MCTP2: variants seen among roughly 807,000 people sequenced by gnomAD.
MCTP2 encodes the protein multiple C2 and transmembrane domain-containing protein 2.
Under a neutral mutation model 111.6 loss-of-function variants are expected in MCTP2, and 132 were observed. The ratio of observed to expected loss-of-function variants is 1.18; its 90% CI spans 1.03 to 1.37. MCTP2 has a LOEUF of 1.37. MCTP2 is among the 40% of genes most tolerant of loss of function. The pLI is 0.00. For synonymous variants in MCTP2, 395 were observed against 387.7 expected, an observed-to-expected ratio of 1.02 and a Z score of -0.22; for missense variants, 1,183 against 1,067.9, an observed-to-expected ratio of 1.11 and a Z score of -1.50.
chr15:94,291,556 G>A (rs75741010), intron 1 of MCTP2, among the ~76,000 whole-genome samples: 46,857 of 151,666 alleles, frequency 0.31, 7,546 homozygotes, highest in East Asian at 0.42. Flanking sequence ...AGCTGAGATC[G>A]TGCCACTGCA....
At chr15:94,327,758 T>G (rs1025855510) in intron 4 of MCTP2, among the ~76,000 whole-genome samples, 1 of 152,370 alleles carries the variant, frequency 6.6e-6, no homozygotes, top group Non-Finnish European at 1.5e-5. Context: ...CCTTTGCCAC[T>G]TGGTACATAT....
intron 1 of MCTP2, among the ~76,000 whole-genome samples, chr15:94,241,557 G>T (rs563115742): frequency 1.3e-5 from 2 of 152,208 alleles, no homozygotes; most frequent in South Asian, 4.1e-4. Flanking sequence ...TACTTACAAG[G>T]CATTTGTATT....
chr15:94,316,801 G>T (rs2076397168), intron 4 of MCTP2, among the ~76,000 whole-genome samples: 1 of 151,722 alleles, frequency 6.6e-6, no homozygotes, highest in Non-Finnish European at 1.5e-5. Flanking sequence ...TATTTATTTG[G>T]TTCAGTAGCT....
At chr15:94,389,608 T>G (rs2080750771) in intron 14 of MCTP2, among the ~76,000 whole-genome samples, 1 of 152,146 alleles carries the variant, frequency 6.6e-6, no homozygotes, top group Admixed American at 6.5e-5. Context: ...GTTTTTTTGT[T>G]TTGTTTTGTT....
intron 17 of MCTP2, among the ~76,000 whole-genome samples, chr15:94,414,285 G>A (rs1464674313): frequency 6.6e-6 from 1 of 151,960 alleles, no homozygotes; most frequent in Non-Finnish European, 1.5e-5. Context: ...AATAGAAGAG[G>A]CAGAAAAAGA....
At position 94,470,348 on chromosome 15, in the gene MCTP2, G is replaced by A. The variant is rs144526062; in HGVS notation, c.2376G>A (p.Thr792=). The A allele has an allele frequency of 7.4e-5, 119 of 1,612,684 alleles. No homozygotes were observed. Among genetic ancestry groups the A allele is most frequent in the Non-Finnish European group, 9.0e-5 (106 of 1,178,856 alleles). ...TTGTCTACAGCACATTTAACTGGAC[G>A]GTCCCCTTCCTTTCATCTCTGGCCT... The part of the protein sequence containing the change: ...GERIKNTFNW[T]VPFLSSLACL... Residue 792 remains threonine, a synonymous_variant, in exon 21 of 23, where the codon ACG becomes ACA. Coordinates refer to ENST00000357742, the MANE Select transcript of MCTP2 (RefSeq NM_001385001.1).
chr15:94,435,852 C>T (rs1310334863), intron 17 of MCTP2, among the ~76,000 whole-genome samples: 1 of 150,926 alleles, frequency 6.6e-6, no homozygotes, highest in African/African-American at 2.4e-5. Context: ...GGGATGGTCT[C>T]GATCTCCTGA....
At chr15:94,236,406 A>G (rs1317187856) in intron 1 of MCTP2, among the ~76,000 whole-genome samples, 1 of 26,516 alleles carries the variant, frequency 3.8e-5, no homozygotes, top group African/African-American at 1.7e-4. Context: ...TTTTTTTTTT[A>G]CGAAATAGCC....
chr15:94,337,389 G>A (rs1277912971), intron 4 of MCTP2, among the ~76,000 whole-genome samples: 1 of 152,148 alleles, frequency 6.6e-6, no homozygotes, highest in Non-Finnish European at 1.5e-5. Flanking sequence ...CTGAGGCCTA[G>A]TTTTGAGATG....
intron 4 of MCTP2, among the ~76,000 whole-genome samples, chr15:94,316,825 T>C (rs537879736): frequency 6.6e-6 from 1 of 152,298 alleles, no homozygotes; most frequent in East Asian, 1.9e-4. Flanking sequence ...GCCTTTTTAT[T>C]CTAAAGAGTT....
At chr15:94,333,092 G>A (rs183495473) in intron 4 of MCTP2, among the ~76,000 whole-genome samples, 88 of 152,138 alleles carry the variant, frequency 5.8e-4, no homozygotes, top group African/African-American at 1.7e-3. Context: ...AAAATTAGCC[G>A]GGCCTGGTGG....
At chr15:94,327,599 T>C (rs16948931) in intron 4 of MCTP2, among the ~76,000 whole-genome samples, 34,743 of 152,212 alleles carry the variant, frequency 0.23, 4,077 homozygotes, top group Middle Eastern at 0.35. Flanking sequence ...GAAAAATTGT[T>C]GTTCAAGAGC....
intron 4 of MCTP2, among the ~76,000 whole-genome samples, chr15:94,330,124 G>A (rs557427109): frequency 6.6e-6 from 1 of 152,270 alleles, no homozygotes; most frequent in East Asian, 1.9e-4. Context: ...CATTGCAAAT[G>A]GCAGGATCTC....
chr15:94,392,216 C>T (rs1447482519), intron 14 of MCTP2, among the ~76,000 whole-genome samples: 3 of 151,796 alleles, frequency 2.0e-5, no homozygotes, highest in Middle Eastern at 6.8e-3. Context: ...CTAAAAAATA[C>T]AAAAAATTAG....
At chr15:94,381,834 C>G (rs1443773716) in intron 12 of MCTP2, among the ~76,000 whole-genome samples, 1 of 152,186 alleles carries the variant, frequency 6.6e-6, no homozygotes, top group Non-Finnish European at 1.5e-5. Context: ...TAACTCCAGC[C>G]TCTTCCCCTG....
chr15:94,478,597 G>T (rs1043082866), intron 22 of MCTP2, among the ~76,000 whole-genome samples: 1 of 152,094 alleles, frequency 6.6e-6, no homozygotes, highest in Non-Finnish European at 1.5e-5. Flanking sequence ...ATTTTTAAAC[G>T]AATAATCCTC....
chr15:94,421,085 G>A (rs2082607280), intron 17 of MCTP2, among the ~76,000 whole-genome samples: 1 of 146,354 alleles, frequency 6.8e-6, no homozygotes. Flanking sequence ...TGAAAGCTCG[G>A]ATGATAGTAT....
chr15:94,380,630 T>C (rs1032446203), intron 12 of MCTP2, among the ~76,000 whole-genome samples: 1 of 151,854 alleles, frequency 6.6e-6, no homozygotes, highest in Non-Finnish European at 1.5e-5. Flanking sequence ...TAGCTGGGCG[T>C]GGTGGCACGT....
intron 8 of MCTP2, among the ~76,000 whole-genome samples, chr15:94,354,663 G>A (rs1202466211): frequency 1.3e-5 from 2 of 152,164 alleles, no homozygotes; most frequent in Non-Finnish European, 2.9e-5. Flanking sequence ...AATACAGATA[G>A]GAAGTTTGGG....
Sources: gnomAD v4.1 joint callset for allele counts (sites outside exome capture counted in the v4.1 genomes callset) on GRCh38, gnomAD v4.1.1 for gene constraint, MANE v1.5 for transcripts, NCBI Gene and HGNC (gene_info 2026-07-23, HGNC 2026-07-21) for gene names.